UBN1: variants seen among roughly 807,000 people sequenced by gnomAD.
The protein encoded by UBN1 is ubinuclein-1.
A neutral mutation model predicts 108.5 loss-of-function variants in UBN1; 17 were observed. That is an observed-to-expected ratio of 0.16 (90% CI 0.11 to 0.24). UBN1 has a LOEUF of 0.24. Among genes scored for constraint, UBN1 ranks in the 10% least tolerant of loss-of-function variants. The probability of loss-of-function intolerance (pLI) is 1.00; values close to 1 mark genes in which losing one functional copy is unlikely to be tolerated. For missense variants in UBN1, 1,595 were observed against 1,394.4 expected (o/e 1.14, Z -2.29); for synonymous variants, 726 against 564.2 (o/e 1.29, Z -4.07).
At chr16:4,869,373 C>T (rs1346580417) in intron 8 of UBN1, among the ~76,000 whole-genome samples, 1 of 152,230 alleles carries the variant, frequency 6.6e-6, no homozygotes, top group Admixed American at 6.5e-5. Flanking sequence ...AATGCTGTTC[C>T]CACATGCCTG....
chr16:4,871,118 A>C, intron 11 of UBN1, 37 bp from the exon 12 acceptor site: 3 of 1,611,868 alleles, frequency 1.9e-6, no homozygotes, highest in Non-Finnish European at 2.5e-6. Context: ...CAGCATCTGA[A>C]GTAGTTTGGA....
At chr16:4,850,151 A>C (rs1162706274) in intron 1 of UBN1, among the ~76,000 whole-genome samples, 1 of 152,194 alleles carries the variant, frequency 6.6e-6, no homozygotes, top group Non-Finnish European at 1.5e-5. Context: ...TAAATGTTTC[A>C]AATGGCTTAG....
chr16:4,858,477 C>T, intron 3 of UBN1, 91 bp from the exon 4 acceptor site: 2 of 1,163,142 alleles, frequency 1.7e-6, no homozygotes, highest in East Asian at 2.4e-5. Context: ...AGTGCATTAC[C>T]TCTTTGAGTC....
Position 4,870,913 on chromosome 16 carries a change from A to C in UBN1, c.1500A>C (p.Glu500Asp). 1 of 1,614,044 alleles carries C rather than the reference A, an allele frequency of 6.2e-7. No homozygotes were observed. The highest frequency in any genetic ancestry group is 8.5e-7 in the Non-Finnish European group (1 of 1,180,002). ...RICSDEEEDEEKGGRRIMGPR... is the reference protein window; with the variant it reads ...RICSDEEEDEDKGGRRIMGPR... ...GTTCGGATGAGGAAGAAGATGAAGA[A>C]AAAGGGGGCAGGAGGATAATGGGAC... Residue 500 changes from glutamate to aspartate, a missense_variant, in exon 11 of 18, where the codon GAA (glutamate) becomes GAC (aspartate). Glu to Asp is a conservative substitution (Grantham distance 45, BLOSUM62 2). Coordinates refer to ENST00000262376, the MANE Select transcript of UBN1 (RefSeq NM_001079514.3).
Position 4,876,856 on chromosome 16 carries a change from G to C in UBN1, c.3025-15G>C. On this transcript the variant is annotated splice_polypyrimidine_tract_variant and intron_variant, in intron 15 of 17. Coordinates refer to ENST00000262376, the MANE Select transcript of UBN1 (RefSeq NM_001079514.3). ...AGGACTGGAGTTCTTACCGCTTGCT[G>C]TGTTTCTTCCCTAGAAAGGAGCGAG... is the stretch of plus-strand genomic sequence containing the variant. 1 of 1,567,670 alleles carries C rather than the reference G, an allele frequency of 6.4e-7. No homozygotes were observed. The highest frequency in any genetic ancestry group is 8.6e-7 in the Non-Finnish European group (1 of 1,156,638).
At position 4,870,832 on chromosome 16, in the gene UBN1, T is replaced by C; in HGVS notation, c.1431-12T>C. On this transcript the variant is annotated splice_polypyrimidine_tract_variant and intron_variant, in intron 10 of 17. Transcript: ENST00000262376. Reference sequence around the variant, plus strand: ...CACCTTGGGGCCCCATGTAATTCTATTCACCCCGTAGGATGCTGGAAGAGG... The same window carrying C: ...CACCTTGGGGCCCCATGTAATTCTACTCACCCCGTAGGATGCTGGAAGAGG... 1 of 1,613,042 alleles carries C rather than the reference T, an allele frequency of 6.2e-7. No homozygotes were observed. Among genetic ancestry groups the C allele is most frequent in the Non-Finnish European group, 8.5e-7 (1 of 1,179,622 alleles).
At chr16:4,860,507 C>A (rs962791054) in intron 6 of UBN1, among the ~76,000 whole-genome samples, 157 bp from the exon 7 acceptor site, 1 of 152,218 alleles carries the variant, frequency 6.6e-6, no homozygotes, top group Non-Finnish European at 1.5e-5. Context: ...TCAGCAAGAA[C>A]GAGCTCCATA....
At chr16:4,859,678 C>G (rs574931239) in intron 5 of UBN1, among the ~76,000 whole-genome samples, 187 bp from the exon 6 acceptor site, 1 of 152,258 alleles carries the variant, frequency 6.6e-6, no homozygotes, top group South Asian at 2.1e-4. Flanking sequence ...CTGGGTGTTT[C>G]CAGGAGACAC....
At chr16:4,859,294 G>C in intron 5 of UBN1, 135 bp downstream of exon 5, 1 of 1,264,352 alleles carries the variant, frequency 7.9e-7, no homozygotes, top group South Asian at 1.4e-5. Flanking sequence ...GTGCCAGGTT[G>C]ATGGCTCGCC....
At position 4,877,189 on chromosome 16, in the gene UBN1, G is replaced by A; in HGVS notation, c.3265+78G>A. ...AGGGGTCCTGCTGTTGTGTACTCTG[G>A]TTCCTGTGTTTGAGTCTGGTGTGTG... On this transcript the variant is annotated intron_variant, in intron 16 of 17. Coordinates refer to ENST00000262376, the MANE Select transcript of UBN1 (RefSeq NM_001079514.3). This position sits in a 1 kb window ranked among gnomAD's most constrained non-coding sequence, Gnocchi z 4.3. 6.5e-7 allele frequency: 1 copy of A among 1,530,414 alleles called. No individual in the cohort carries two copies. Among genetic ancestry groups the A allele is most frequent in the Admixed American group, 2.0e-5 (1 of 49,416 alleles). 94.8% of individuals were successfully genotyped at this position (1,530,414 alleles called of 1,614,324 possible).
intron 7 of UBN1, among the ~76,000 whole-genome samples, chr16:4,866,368 G>C (rs1046503402): frequency 6.6e-6 from 1 of 152,154 alleles, no homozygotes; most frequent in African/African-American, 2.4e-5. Context: ...TGGTTGTTTG[G>C]TGTTAAGCTT....
intron 15 of UBN1, among the ~76,000 whole-genome samples, chr16:4,876,570 T>G (rs1272140049): frequency 2.0e-5 from 3 of 151,854 alleles, no homozygotes; most frequent in African/African-American, 2.4e-5. Context: ...CTCTGTCACC[T>G]AGGCTGGACT....
At chr16:4,860,104 C>G in intron 6 of UBN1, 136 bp downstream of exon 6, 2 of 1,049,186 alleles carry the variant, frequency 1.9e-6, no homozygotes, top group Non-Finnish European at 2.7e-6. Context: ...GCACGCCTCC[C>G]GCAGTGCCAT....
Position 4,877,795 on chromosome 16 carries a change from G to C in UBN1, c.3355+321G>C. 1.7e-5 allele frequency: 14 copies of C among 824,030 alleles called. No homozygotes were observed. Among genetic ancestry groups the C allele is most frequent in the East Asian group, 1.1e-4 (1 of 9,216 alleles). The allele number at this position is 824,030 out of a possible 1,614,324, so 51.0% of individuals were successfully genotyped here. A position where few individuals can be genotyped will look rare whatever the true frequency, so the allele number is the denominator to read the frequency against. ...CCCTCGGCTTGTTTTTTTCTCTTCA[G>C]TTTAAAAAAAAAAAAAAAGGGAAGG... On this transcript the variant is annotated intron_variant, in intron 17 of 17. Coordinates refer to ENST00000262376, the MANE Select transcript of UBN1 (RefSeq NM_001079514.3). The surrounding 1 kb of genome is among the most constrained non-coding windows in gnomAD (Gnocchi z 4.3).
chr16:4,858,940 C>A, intron 4 of UBN1, 85 bp from the exon 5 acceptor site: 1 of 1,518,076 alleles, frequency 6.6e-7, no homozygotes. Flanking sequence ...CAGAGGAGCA[C>A]AGTCACATCT....
At chr16:4,860,048 C>T in intron 6 of UBN1, 80 bp downstream of exon 6, 9 of 1,568,232 alleles carry the variant, frequency 5.7e-6, no homozygotes, top group Non-Finnish European at 6.1e-6. Flanking sequence ...CACCTCCTCC[C>T]CACAGCTTCG....
At chr16:4,859,692 C>T (rs537691541) in intron 5 of UBN1, among the ~76,000 whole-genome samples, 173 bp from the exon 6 acceptor site, 10 of 152,192 alleles carry the variant, frequency 6.6e-5, no homozygotes, top group South Asian at 2.1e-4. Flanking sequence ...GAGACACCGT[C>T]GGTGGGAATG....
intron 5 of UBN1, among the ~76,000 whole-genome samples, chr16:4,859,397 C>T (rs780814889): frequency 6.6e-6 from 1 of 152,164 alleles, no homozygotes; most frequent in Non-Finnish European, 1.5e-5. Flanking sequence ...TCCCAGCAGG[C>T]TCAGCAGGGG....
intron 1 of UBN1, among the ~76,000 whole-genome samples, chr16:4,848,890 C>T (rs1390064332): frequency 6.6e-6 from 1 of 152,188 alleles, no homozygotes; most frequent in Non-Finnish European, 1.5e-5. Flanking sequence ...CACCTGAGAT[C>T]AGGAGTTCGA....
Sources: allele counts gnomAD v4.1 joint callset (sites outside exome capture counted in the v4.1 genomes callset), GRCh38; gene constraint gnomAD v4.1.1; non-coding constraint Gnocchi (gnomAD v3.1); transcripts MANE v1.5; gene names NCBI Gene and HGNC (gene_info 2026-07-23, HGNC 2026-07-21).